The following CDC73 variants were observed in gnomAD, a reference collection of about 807,000 sequenced individuals.
CDC73 encodes parafibromin.
In CDC73, 21 loss-of-function variants were observed where a neutral mutation model predicts 83.7. That is an observed-to-expected ratio of 0.25 (90% CI 0.18 to 0.36). The LOEUF (loss-of-function observed/expected upper bound fraction) is 0.36, where lower values mean the gene tolerates loss of function less well. Among genes scored for constraint, CDC73 ranks in the 10% least tolerant of loss-of-function variants. The pLI is 1.00. For missense variants in CDC73, 342 were observed against 653.3 expected, an observed-to-expected ratio of 0.52 and a Z score of 5.19; for synonymous variants, 224 against 212.9, an observed-to-expected ratio of 1.05 and a Z score of -0.45.
chr1:193,250,907 A>G lies in CDC73; in HGVS notation c.*195A>G. 1 of 583,616 alleles carries G rather than the reference A, an allele frequency of 1.7e-6. No individual in the cohort carries two copies. Among genetic ancestry groups the G allele is most frequent in the Non-Finnish European group, 3.1e-6 (1 of 323,668 alleles). 36.2% of individuals were successfully genotyped at this position (583,616 alleles called of 1,614,324 possible). On this transcript the variant is annotated 3_prime_UTR_variant, in exon 17 of 17. Coordinates refer to ENST00000367435, the MANE Select transcript of CDC73 (RefSeq NM_024529.5). The stretch of plus-strand genomic sequence containing the variant: ...ACTATTTTTTTAATATTAGCCTTCT[A>G]GTCTGTAATGGAAATTGTATATTTT...
At chr1:193,248,588 A>G (rs72740250) in intron 15 of CDC73, among the ~76,000 whole-genome samples, 1 of 152,080 alleles carries the variant, frequency 6.6e-6, no homozygotes, top group East Asian at 1.9e-4. Context: ...AATAAGATTT[A>G]CCATTCTAGA....
Position 193,171,861 on chromosome 1 carries a change from G to T in CDC73, c.972+19417G>T, listed in dbSNP as rs147307324. On this transcript the variant is annotated intron_variant, in intron 10 of 16. Coordinates refer to ENST00000367435, the MANE Select transcript of CDC73 (RefSeq NM_024529.5). ...AATATTTTTTAATAAATGAAAAAAA[G>T]ATGTATTTGTTAGTGTTGGAAGAAT... Among the ~76,000 whole-genome samples, 539 of 152,276 alleles carry T rather than the reference G, an allele frequency of 3.5e-3. 4 individuals are homozygous for T. The highest frequency in any genetic ancestry group is 0.012 in the African/African-American group (498 of 41,552).
rs1198721073 is a variant in CDC73, at chr1:193,250,791, A to G, written c.*79A>G. On this transcript the variant is annotated 3_prime_UTR_variant, in exon 17 of 17. Transcript: ENST00000367435. ...CAAGAACTTAAAAATGAAGAAGGTC[A>G]CAGATTGATCTTTTATAAGACCTTA... 8.8e-6 allele frequency: 11 copies of G among 1,244,066 alleles called. No homozygotes were observed. The highest frequency in any genetic ancestry group is 1.5e-5 in the African/African-American group (1 of 67,552). 77.1% of individuals were successfully genotyped at this position (1,244,066 alleles called of 1,614,324 possible).
intron 13 of CDC73, among the ~76,000 whole-genome samples, chr1:193,217,079 A>G (rs1677380738): frequency 1.3e-5 from 2 of 152,176 alleles, no homozygotes. Context: ...GTACTGAAAC[A>G]GGAAATGTTC....
chr1:193,234,171 TCTCTCACACA>T (rs1393785849), intron 14 of CDC73, among the ~76,000 whole-genome samples: 344 of 75,580 alleles, frequency 4.6e-3, no homozygotes, highest in Non-Finnish European at 6.0e-3. Flanking sequence ...TCTCTCTCTC[TCTCTCACACA>T]CACACACACA....
chr1:193,170,704 A>C (rs1010102840), intron 10 of CDC73, among the ~76,000 whole-genome samples: 1 of 152,064 alleles, frequency 6.6e-6, no homozygotes, highest in East Asian at 1.9e-4. Context: ...AGTTTGCAAA[A>C]ATTTTCCCAT....
At chr1:193,122,570 G>C (rs1675474346) in intron 1 of CDC73, 1 of 499,782 alleles carries the variant, frequency 2.0e-6, no homozygotes, top group Admixed American at 3.3e-5. Context: ...AGGTACCGTG[G>C]GAGTTTCTGA....
At chr1:193,151,245 A>T (rs917508947) in intron 9 of CDC73, among the ~76,000 whole-genome samples, 1 of 152,174 alleles carries the variant, frequency 6.6e-6, no homozygotes, top group Non-Finnish European at 1.5e-5. Context: ...AGTTTTTTTT[A>T]AATGATATGT....
At chr1:193,180,738 A>T (rs774123687) in intron 10 of CDC73, 1 of 1,614,070 alleles carries the variant, frequency 6.2e-7, no homozygotes, top group Non-Finnish European at 8.5e-7. Context: ...TGAAATAGTT[A>T]TGTCTGGGAG....
At chr1:193,160,588 GTAACTTTAAT>G (rs1039902700) in intron 10 of CDC73, among the ~76,000 whole-genome samples, 27 of 151,928 alleles carry the variant, frequency 1.8e-4, no homozygotes, top group Non-Finnish European at 3.4e-4. Context: ...CTGCATCAGT[GTAACTTTAAT>G]TCAATTTTAA....
intron 10 of CDC73, among the ~76,000 whole-genome samples, chr1:193,187,111 C>CCCCCCCT (rs1284635196): frequency 9.7e-6 from 1 of 103,186 alleles, no homozygotes; most frequent in Non-Finnish European, 2.1e-5. Context: ...ATCCCCCCCC[C>CCCCCCCT]CGTTTTCTGG....
At chr1:193,139,241 A>C (rs893417720) in intron 6 of CDC73, among the ~76,000 whole-genome samples, 3 of 150,292 alleles carry the variant, frequency 2.0e-5, no homozygotes, top group Admixed American at 2.0e-4. Flanking sequence ...AGTCTCCAGC[A>C]TTGTAGTTTT....
chr1:193,233,568 C>T (rs571700721), intron 14 of CDC73, among the ~76,000 whole-genome samples: 1 of 152,248 alleles, frequency 6.6e-6, no homozygotes, highest in East Asian at 1.9e-4. Flanking sequence ...CTTGATTTTA[C>T]TTATAAGAAG....
At chr1:193,188,953 CTGT>C (rs1676872827) in intron 10 of CDC73, among the ~76,000 whole-genome samples, 1 of 149,400 alleles carries the variant, frequency 6.7e-6, no homozygotes, top group Non-Finnish European at 1.5e-5. Flanking sequence ...TTCTGTCTGT[CTGT>C]TTTTTTTTTT....
chr1:193,180,192 A>T, intron 10 of CDC73: 1 of 987,516 alleles, frequency 1.0e-6, no homozygotes, highest in East Asian at 2.7e-5. Flanking sequence ...TCTTTATGTG[A>T]TGAGTTTTAA....
At chr1:193,203,521 T>C (rs1286355458) in intron 10 of CDC73, among the ~76,000 whole-genome samples, 4 of 152,200 alleles carry the variant, frequency 2.6e-5, no homozygotes, top group Non-Finnish European at 4.4e-5. Context: ...TTAAAAATAT[T>C]ACATGCTTAC....
intron 3 of CDC73, among the ~76,000 whole-genome samples, chr1:193,133,557 A>G (rs1675732587): frequency 6.6e-6 from 1 of 152,218 alleles, no homozygotes; most frequent in African/African-American, 2.4e-5. Context: ...AAAAAACTTT[A>G]TCTGTTAGGT....
At chr1:193,248,921 T>G (rs1290007924) in intron 15 of CDC73, among the ~76,000 whole-genome samples, 1 of 152,028 alleles carries the variant, frequency 6.6e-6, no homozygotes, top group Non-Finnish European at 1.5e-5. Flanking sequence ...GCCATAAACG[T>G]TGTTGAAATG....
intron 2 of CDC73, 108 bp downstream of exon 2, chr1:193,125,325 C>G (rs1243285316): frequency 4.1e-6 from 3 of 734,892 alleles, no homozygotes; most frequent in African/African-American, 1.7e-5. Flanking sequence ...GTGGTGTGAT[C>G]ATAGCTCATT....
Sources: gnomAD v4.1 joint callset for allele counts (sites outside exome capture counted in the v4.1 genomes callset) on GRCh38, gnomAD v4.1.1 for gene constraint, MANE v1.5 for transcripts, NCBI Gene and HGNC (gene_info 2026-07-23, HGNC 2026-07-21) for gene names.